MITF: variants seen among roughly 807,000 people sequenced by gnomAD.
MITF encodes melanocyte inducing transcription factor.
In MITF, 17 loss-of-function variants were observed where a neutral mutation model predicts 60.5. That is an observed-to-expected ratio of 0.28 (90% confidence interval 0.19 to 0.42). The LOEUF is 0.42. Ranked by LOEUF, MITF falls within the 10% of genes least tolerant of loss-of-function variation. The pLI is 1.00. For synonymous variants in MITF, 260 were observed against 248.5 expected (o/e 1.05, Z -0.43); for missense variants, 622 against 683.5 (o/e 0.91, Z 1.00).
At chr3:69,855,495 GAAAATTTAAAAC>G (rs2063902405) in intron 1 of MITF, among the ~76,000 whole-genome samples, 1 of 151,702 alleles carries the variant, frequency 6.6e-6, no homozygotes, top group South Asian at 2.1e-4. Context: ...CCTCTGAAAT[GAAAATTTAAAAC>G]ATTTAAAGTA....
chr3:69,890,456 A>G (rs761799669), intron 2 of MITF, among the ~76,000 whole-genome samples: 5 of 152,148 alleles, frequency 3.3e-5, no homozygotes, highest in Admixed American at 1.3e-4. Flanking sequence ...CATTTAATCA[A>G]TGTTCTTGGT....
intron 1 of MITF, among the ~76,000 whole-genome samples, chr3:69,768,850 G>T (rs536202392): frequency 1.3e-5 from 2 of 152,316 alleles, no homozygotes; most frequent in African/African-American, 4.8e-5. Context: ...GCCATTGTAA[G>T]TTCAAGCACT....
intron 6 of MITF, among the ~76,000 whole-genome samples, chr3:69,951,303 C>T (rs1237168971): frequency 1.3e-5 from 2 of 151,802 alleles, no homozygotes; most frequent in African/African-American, 4.8e-5. Flanking sequence ...TGATCTTGAA[C>T]TCCTGGGCTC....
intron 1 of MITF, among the ~76,000 whole-genome samples, chr3:69,765,430 G>A (rs930619619): frequency 6.6e-6 from 1 of 152,142 alleles, no homozygotes; most frequent in Non-Finnish European, 1.5e-5. Context: ...AAACTCTTTA[G>A]TGAAAATTAT....
chr3:69,943,438 G>T (rs1177753606), intron 5 of MITF, among the ~76,000 whole-genome samples: 1 of 151,846 alleles, frequency 6.6e-6, no homozygotes, highest in Non-Finnish European at 1.5e-5. Context: ...TGTAAAATGG[G>T]GCTGTTATAT....
Position 69,966,939 on chromosome 3 carries a change from T to C in MITF, c.*1691T>C. ...TAGTCAAGACGAACATGTAGCATGG[T>C]GCCTATGTAGACAATATAAGAGCTT... On this transcript the variant is annotated 3_prime_UTR_variant, in exon 10 of 10. Transcript: ENST00000352241. 1 of 232,758 alleles carries C rather than the reference T, an allele frequency of 4.3e-6. No individual in the cohort carries two copies. The highest frequency in any genetic ancestry group is 6.1e-5 in the East Asian group (1 of 16,408). The allele number at this position is 232,758 out of a possible 1,614,324, so 14.4% of individuals were successfully genotyped here. A position where few individuals can be genotyped will look rare whatever the true frequency, so the allele number is the denominator to read the frequency against.
intron 1 of MITF, among the ~76,000 whole-genome samples, chr3:69,825,985 A>G (rs559695277): frequency 2.6e-5 from 4 of 152,366 alleles, no homozygotes; most frequent in African/African-American, 9.6e-5. Context: ...ATTTTAGTCC[A>G]CATTAAAAGA....
chr3:69,949,609 G>C (rs1002280604), intron 6 of MITF, among the ~76,000 whole-genome samples: 1 of 152,170 alleles, frequency 6.6e-6, no homozygotes, highest in African/African-American at 2.4e-5. Context: ...GATAGCATAA[G>C]AATATATTTC....
At chr3:69,903,104 T>C (rs1443716660) in intron 2 of MITF, among the ~76,000 whole-genome samples, 1 of 152,186 alleles carries the variant, frequency 6.6e-6, no homozygotes, top group Non-Finnish European at 1.5e-5. Context: ...TATGAAACCA[T>C]AGAGATGAAA....
At chr3:69,821,385 C>A (rs1048843894) in intron 1 of MITF, among the ~76,000 whole-genome samples, 10 of 152,096 alleles carry the variant, frequency 6.6e-5, no homozygotes, top group Non-Finnish European at 1.3e-4. Context: ...CACCCCCAAC[C>A]CCCTAAGCTT....
At position 69,965,746 on chromosome 3, in the gene MITF, C is replaced by T. The variant is rs1438800135; in HGVS notation, c.*498C>T. 2 of 234,818 alleles carry T rather than the reference C, an allele frequency of 8.5e-6. No individual in the cohort carries two copies. The highest frequency in any genetic ancestry group is 1.7e-5 in the Non-Finnish European group (2 of 118,978). The allele number at this position is 234,818 out of a possible 1,614,324, so 14.5% of individuals were successfully genotyped here. A position where few individuals can be genotyped will look rare whatever the true frequency, so the allele number is the denominator to read the frequency against. Reference sequence around the variant, plus strand: ...ATTCATTGGTACTGCCTTAAAGATACAGTACCCCTCTAGCTTTGTTTAGTC... The same window carrying T: ...ATTCATTGGTACTGCCTTAAAGATATAGTACCCCTCTAGCTTTGTTTAGTC... On this transcript the variant is annotated 3_prime_UTR_variant, in exon 10 of 10. Coordinates refer to ENST00000352241, the MANE Select transcript of MITF (RefSeq NM_001354604.2).
At chr3:69,749,385 G>A (rs985022954) in intron 1 of MITF, among the ~76,000 whole-genome samples, 4 of 152,208 alleles carry the variant, frequency 2.6e-5, no homozygotes, top group Admixed American at 2.6e-4. Flanking sequence ...TATTATTTCA[G>A]TGTTAGTTTT....
At chr3:69,884,317 C>T (rs1480981479) in intron 2 of MITF, among the ~76,000 whole-genome samples, 4 of 152,012 alleles carry the variant, frequency 2.6e-5, no homozygotes, top group Admixed American at 6.6e-5. Context: ...TTTATAGGAG[C>T]GAGGTCTGAA....
intron 1 of MITF, among the ~76,000 whole-genome samples, chr3:69,852,098 T>C (rs1348586553): frequency 6.6e-6 from 1 of 152,150 alleles, no homozygotes; most frequent in Non-Finnish European, 1.5e-5. Flanking sequence ...AAGAGGCATC[T>C]AGATGGGATC....
intron 1 of MITF, among the ~76,000 whole-genome samples, chr3:69,856,297 T>C (rs528589696): frequency 6.6e-6 from 1 of 152,282 alleles, no homozygotes; most frequent in Non-Finnish European, 1.5e-5. Context: ...ATTACATGTT[T>C]TAAAGGAAAT....
At chr3:69,749,489 A>C (rs1269498978) in intron 1 of MITF, among the ~76,000 whole-genome samples, 1 of 152,228 alleles carries the variant, frequency 6.6e-6, no homozygotes, top group African/African-American at 2.4e-5. Flanking sequence ...CTAATTTATA[A>C]TGCTTTTGGC....
intron 1 of MITF, among the ~76,000 whole-genome samples, chr3:69,828,656 ATGAG>A (rs2063395592): frequency 6.6e-6 from 1 of 152,140 alleles, no homozygotes; most frequent in Non-Finnish European, 1.5e-5. Flanking sequence ...GATATATAAA[ATGAG>A]TCTCATTATA....
chr3:69,821,208 A>G (rs1378988789), intron 1 of MITF, among the ~76,000 whole-genome samples: 2 of 152,156 alleles, frequency 1.3e-5, no homozygotes, highest in Admixed American at 6.5e-5. Context: ...CTTCACTTCC[A>G]TTGCTAAAGC....
intron 1 of MITF, 143 bp from the exon 2 acceptor site, chr3:69,878,991 A>G (rs556077988): frequency 4.3e-6 from 3 of 704,322 alleles, no homozygotes; most frequent in Admixed American, 2.1e-5. Flanking sequence ...TTGATTTTCA[A>G]TTATGTGGAG....
Sources: gnomAD v4.1 joint callset for allele counts (sites outside exome capture counted in the v4.1 genomes callset) on GRCh38, gnomAD v4.1.1 for gene constraint, MANE v1.5 for transcripts, NCBI Gene and HGNC (gene_info 2026-07-23, HGNC 2026-07-21) for gene names.